Variants in LRRC47 observed in about 807,000 individuals in gnomAD.
The protein encoded by LRRC47 is leucine rich repeat containing 47.
Under a neutral mutation model 40.9 loss-of-function variants are expected in LRRC47, and 31 were observed. The observed-to-expected ratio is 0.76, with a 90% CI of 0.57 to 1.02. The LOEUF (loss-of-function observed/expected upper bound fraction) is 1.02, where lower values mean the gene tolerates loss of function less well. LRRC47 is among the 50% of genes least tolerant of loss of function. The pLI is 0.00. For synonymous variants in LRRC47, 427 were observed against 371.9 expected, an observed-to-expected ratio of 1.15 and a Z score of -1.70; for missense variants, 726 against 796.1, an observed-to-expected ratio of 0.91 and a Z score of 1.06.
intron 1 of LRRC47, among the ~76,000 whole-genome samples, chr1:3,792,447 A>G (rs1643634955): frequency 1.3e-5 from 2 of 148,170 alleles, no homozygotes; most frequent in African/African-American, 5.1e-5. Context: ...CAGGTGCTAC[A>G]GAGAGCTGGA....
At chr1:3,783,835 A>G (rs1376355962) in intron 4 of LRRC47, 161 bp downstream of exon 4, 1 of 621,230 alleles carries the variant, frequency 1.6e-6, no homozygotes, top group Non-Finnish European at 2.8e-6. Flanking sequence ...TGGTTCCACA[A>G]CGTCTCCTTT....
intron 2 of LRRC47, among the ~76,000 whole-genome samples, chr1:3,786,602 G>A (rs1373979195): frequency 6.6e-6 from 1 of 152,178 alleles, no homozygotes; most frequent in Non-Finnish European, 1.5e-5. Context: ...CTGTGAAGAG[G>A]CCATCTCCAC....
chr1:3,787,451 A>G, intron 1 of LRRC47, 141 bp from the exon 2 acceptor site: 2 of 775,962 alleles, frequency 2.6e-6, no homozygotes, highest in Non-Finnish European at 2.0e-6. Flanking sequence ...CTGGGGAGCC[A>G]CAAGTCATTC....
rs757909527 is a variant in LRRC47 at position 3,780,288 on chromosome 1, C to T, written c.*800G>A. On this transcript the variant is annotated 3_prime_UTR_variant, in exon 7 of 7. Coordinates refer to ENST00000378251, the MANE Select transcript of LRRC47 (RefSeq NM_020710.3). The stretch of plus-strand genomic sequence containing the variant: ...CAAGTGTCCCAGCAGCATGACTGAA[C>T]ATCACTCACTTCCCCTACTTGATCT... 3 of 152,214 alleles carry T rather than the reference C, an allele frequency of 2.0e-5. No homozygotes were observed. The highest frequency in any genetic ancestry group is 1.9e-4 in the East Asian group (1 of 5,180). The allele number at this position is 152,214 out of a possible 1,614,324, so 9.4% of individuals were successfully genotyped here.
intron 4 of LRRC47, 32 bp from the exon 5 acceptor site, chr1:3,782,795 A>G (rs764089947): frequency 2.3e-6 from 3 of 1,312,666 alleles, no homozygotes; most frequent in African/African-American, 1.4e-5. Flanking sequence ...TTCCAGGCAT[A>G]ATTATAAAAG....
Position 3,786,917 on chromosome 1 carries a change from C to A in LRRC47, c.1009G>T (p.Val337Leu), listed in dbSNP as rs1406557732. The change falls in exon 2 of 7, where the codon GTG becomes TTG. Residue 337 changes from valine to leucine, a missense_variant. Transcript: ENST00000378251. Reference sequence around the variant, plus strand: ...TCCATGCCTCGCACCACGGCCCCCACAATGTAGGGCCGCACATCCCGGACC... The same window carrying A: ...TCCATGCCTCGCACCACGGCCCCCAAAATGTAGGGCCGCACATCCCGGACC... ...PEVRDVRPYI[V>L]GAVVRGMDLQ... 1 of 1,607,458 alleles carries A rather than the reference C, an allele frequency of 6.2e-7. No individual in the cohort carries two copies. Among genetic ancestry groups the A allele is most frequent in the Non-Finnish European group, 8.5e-7 (1 of 1,177,210 alleles).
intron 4 of LRRC47, 57 bp downstream of exon 4, chr1:3,783,939 G>T: frequency 7.0e-7 from 1 of 1,433,712 alleles, no homozygotes; most frequent in Non-Finnish European, 9.5e-7. Flanking sequence ...ACTCAGCTGA[G>T]GCCAGCATGC....
At position 3,781,268 on chromosome 1, in the gene LRRC47, G is replaced by A. The variant is rs371220453; in HGVS notation, c.1572C>T (p.Ala524=). The change falls in exon 7 of 7, where the codon GCC becomes GCT. Residue 524 remains alanine, a synonymous_variant. Transcript: ENST00000378251. ...KEEGSLSDTE[A]DAVSGQLPDP... The stretch of plus-strand genomic sequence containing the variant: ...CTGGAAGTTGTCCAGAGACTGCATC[G>A]GCTTCAGTATCTGAGAGTGATCCTT... The A allele has an allele frequency of 9.9e-6, 16 of 1,613,980 alleles. No individual in the cohort carries two copies. The highest frequency in any genetic ancestry group is 1.6e-4 in the Middle Eastern group (1 of 6,084).
At chr1:3,782,803 A>C in intron 4 of LRRC47, 40 bp from the exon 5 acceptor site, 1 of 1,220,428 alleles carries the variant, frequency 8.2e-7, no homozygotes, top group East Asian at 2.3e-5. Context: ...ATAATTATAA[A>C]AGAAACACTG....
Position 3,787,166 on chromosome 1 carries a change from T to C in LRRC47, c.760A>G (p.Ile254Val). 2.5e-6 allele frequency: 4 copies of C among 1,613,876 alleles called. No homozygotes were observed. Among genetic ancestry groups the C allele is most frequent in the African/African-American group, 1.3e-5 (1 of 75,058 alleles). ...KMVSGCQTRS[I>V]LEYLRVGGRG... Reference sequence around the variant, plus strand: ...CCTCCGACGCGCAGGTACTCCAGGATGGATCTGGTCTGGCAGCCGCTGACC... The same window carrying C: ...CCTCCGACGCGCAGGTACTCCAGGACGGATCTGGTCTGGCAGCCGCTGACC... Residue 254 changes from isoleucine to valine, a missense_variant, in exon 2 of 7, where the codon ATC (isoleucine) becomes GTC (valine). By Grantham distance (29) the Ile-to-Val change is conservative (BLOSUM62 3). Transcript: ENST00000378251.
chr1:3,790,920 A>G (rs1047786048), intron 1 of LRRC47, among the ~76,000 whole-genome samples: 1 of 152,208 alleles, frequency 6.6e-6, no homozygotes, highest in African/African-American at 2.4e-5. Flanking sequence ...GGCGGCCCCT[A>G]AAGAGCCAGT....
chr1:3,789,676 G>A (rs1007351051), intron 1 of LRRC47, among the ~76,000 whole-genome samples: 2 of 152,260 alleles, frequency 1.3e-5, no homozygotes, highest in African/African-American at 4.8e-5. Flanking sequence ...GCTCTGTGGG[G>A]AGTCAGGGGA....
At chr1:3,795,155 G>A (rs1255723597) in intron 1 of LRRC47, among the ~76,000 whole-genome samples, 1 of 152,060 alleles carries the variant, frequency 6.6e-6, no homozygotes, top group Non-Finnish European at 1.5e-5. Flanking sequence ...AAGAGAAGAT[G>A]GAGAGAACAT....
chr1:3,787,056 C>T lies in LRRC47; in HGVS notation c.870G>A (p.Arg290=). 3 of 1,613,752 alleles carry T rather than the reference C, an allele frequency of 1.9e-6. No individual in the cohort carries two copies. The highest frequency in any genetic ancestry group is 2.5e-6 in the Non-Finnish European group (3 of 1,179,876). ...GCTCCTCCCCATCACCACCTTCCCGCCTCTGCTTCCTCTCCCTCCTCTTCC... is the reference window on the plus strand; with the variant it reads ...GCTCCTCCCCATCACCACCTTCCCGTCTCTGCTTCCTCTCCCTCCTCTTCC... The part of the protein sequence containing the change: ...SRRKRRERKQ[R]REGGDGEEQD... The change falls in exon 2 of 7, where the codon AGG becomes AGA. Residue 290 remains arginine, a synonymous_variant. Coordinates refer to ENST00000378251, the MANE Select transcript of LRRC47 (RefSeq NM_020710.3).
rs1369997166 is a variant in LRRC47, at chr1:3,781,702, A to C, written c.1414-101T>G. 4.3e-6 allele frequency: 4 copies of C among 940,220 alleles called. No individual in the cohort carries two copies. In the African/African-American group the frequency reaches 4.9e-5, roughly 12 times the overall value. 58.2% of individuals were successfully genotyped at this position (940,220 alleles called of 1,614,324 possible). On this transcript the variant is annotated intron_variant, in intron 5 of 6. Transcript: ENST00000378251. The stretch of plus-strand genomic sequence containing the variant: ...GAAAAATCTACAAAACTGTGTGGCC[A>C]GGCACAGTGGCTCACACCTGTAAAT...
At chr1:3,788,818 T>C (rs1267870578) in intron 1 of LRRC47, among the ~76,000 whole-genome samples, 1 of 151,960 alleles carries the variant, frequency 6.6e-6, no homozygotes, top group Non-Finnish European at 1.5e-5. Flanking sequence ...AGGAACAGCA[T>C]GTGTAAAAGA....
rs1276256947 is a variant in LRRC47, at chr1:3,796,422, C to G, written c.55G>C (p.Glu19Gln). 2.0e-6 allele frequency: 3 copies of G among 1,518,630 alleles called. No individual in the cohort carries two copies. Among genetic ancestry groups the G allele is most frequent in the South Asian group, 1.2e-5 (1 of 82,920 alleles). 94.1% of individuals were successfully genotyped at this position (1,518,630 alleles called of 1,614,324 possible). ...SWPELELAER[E>Q]RRRELLLTGP... ...GTCAGCAGCAGCTCCCGCCGCCGCT[C>G]GCGCTCAGCCAGCTCCAGCTCCGGC... is the stretch of plus-strand genomic sequence containing the variant. The change falls in exon 1 of 7, where the codon GAG becomes CAG. Residue 19 changes from glutamate (E) to glutamine (Q), a missense_variant. Physicochemically the swap from Glu to Gln is conservative, Grantham distance 29. Transcript: ENST00000378251.
chr1:3,796,323 G>T lies in LRRC47; in HGVS notation c.154C>A (p.Leu52Met). 6.6e-7 allele frequency: 1 copy of T among 1,507,952 alleles called. No individual in the cohort carries two copies. Among genetic ancestry groups the T allele is most frequent in the East Asian group, 2.7e-5 (1 of 37,394 alleles). 93.4% of individuals were successfully genotyped at this position (1,507,952 alleles called of 1,614,324 possible). A position where few individuals can be genotyped will look rare whatever the true frequency, so the allele number is the denominator to read the frequency against. ...LPPRLFTLPL[L>M]HYLEVSGCGS... ...CAGCCGCTCACTTCCAAGTAGTGCA[G>T]CAGCGGCAGGGTGAAAAGCCGCGGC... The change falls in exon 1 of 7, where the codon CTG (leucine) becomes ATG (methionine). Residue 52 changes from leucine to methionine, a missense_variant. Transcript: ENST00000378251.
Position 3,785,136 on chromosome 1 carries a change from G to A in LRRC47, c.1145C>T (p.Ala382Val). ...AATLATHELR[A>V]VKGPLLYCAR... ...GCAGTACAGCAGGGGCCCTTTGACG[G>A]CACGGAGCTCGTGGGTGGCAAGGGT... is the stretch of plus-strand genomic sequence containing the variant. Residue 382 changes from alanine (A) to valine (V), a missense_variant, in exon 3 of 7, where the codon GCC becomes GTC. By Grantham distance (64) the Ala-to-Val change is moderately conservative. Transcript: ENST00000378251. 2 of 1,600,612 alleles carry A rather than the reference G, an allele frequency of 1.2e-6. No individual in the cohort carries two copies. Among genetic ancestry groups the A allele is most frequent in the Admixed American group, 3.5e-5 (2 of 57,782 alleles).
Sources: allele counts gnomAD v4.1 joint callset (sites outside exome capture counted in the v4.1 genomes callset), GRCh38; gene constraint gnomAD v4.1.1; transcripts MANE v1.5; gene names NCBI Gene and HGNC (gene_info 2026-07-23, HGNC 2026-07-21).